LHPP: variants seen among roughly 807,000 people sequenced by gnomAD.
LHPP encodes phospholysine phosphohistidine inorganic pyrophosphate phosphatase.
Under a neutral mutation model 30.3 loss-of-function variants are expected in LHPP, and 24 were observed. The ratio of observed to expected loss-of-function variants is 0.79; its 90% CI spans 0.57 to 1.11. The LOEUF is 1.11. Ranked by LOEUF, LHPP falls within the 50% of genes most tolerant of loss-of-function variation. The probability of loss-of-function intolerance (pLI) is 0.00; values close to 1 mark genes in which losing one functional copy is unlikely to be tolerated. For synonymous variants in LHPP, 150 were observed against 157.1 expected (o/e 0.95, Z 0.34); for missense variants, 356 against 367.2 (o/e 0.97, Z 0.25).
intron 1 of LHPP, among the ~76,000 whole-genome samples, chr10:124,468,795 C>A (rs1041399549): frequency 2.6e-5 from 4 of 152,218 alleles, no homozygotes; most frequent in African/African-American, 9.6e-5. Context: ...CCCAGTGCCT[C>A]TGGGGCCAGA....
chr10:124,510,132 C>T lies in LHPP; in HGVS notation c.625-7048C>T, dbSNP rs941944860. The stretch of plus-strand genomic sequence containing the variant: ...TTCTCCGCCTCACACCCCACCATGT[C>T]GTGTCTGAAAGGAAGCGAAGCCCAG... On this transcript the variant is annotated intron_variant, in intron 5 of 6. Transcript: ENST00000368842. This position sits in a 1 kb window ranked among gnomAD's most constrained non-coding sequence, Gnocchi z 4.0. Among the ~76,000 whole-genome samples the T allele has an allele frequency of 2.0e-5, 3 of 152,116 alleles. No individual in the cohort carries two copies. The highest frequency in any genetic ancestry group is 2.0e-4 in the Admixed American group (3 of 15,280).
intron 1 of LHPP, among the ~76,000 whole-genome samples, chr10:124,468,701 G>A (rs934117314): frequency 3.9e-5 from 6 of 152,192 alleles, no homozygotes; most frequent in African/African-American, 1.2e-4. Flanking sequence ...CCACACCAGC[G>A]TGCCCTTCGG....
intron 3 of LHPP, chr10:124,490,021 C>G (rs1020298966): frequency 5.9e-6 from 1 of 169,416 alleles, no homozygotes; most frequent in African/African-American, 2.4e-5. Flanking sequence ...CTGTGGGTAT[C>G]TCTCTCTGTC....
chr10:124,605,984 G>A (rs1330215795), intron 6 of LHPP, among the ~76,000 whole-genome samples: 1 of 152,090 alleles, frequency 6.6e-6, no homozygotes, highest in Non-Finnish European at 1.5e-5. Context: ...GTGTGCCTCC[G>A]CTTCTACCTC....
chr10:124,573,996 C>A (rs533432905), intron 6 of LHPP, among the ~76,000 whole-genome samples: 1 of 152,168 alleles, frequency 6.6e-6, no homozygotes, highest in Non-Finnish European at 1.5e-5. Flanking sequence ...CCTGGAGCCA[C>A]CGTGCTGCCC....
intron 1 of LHPP, among the ~76,000 whole-genome samples, chr10:124,474,818 T>A (rs1175837607): frequency 6.6e-6 from 1 of 152,136 alleles, no homozygotes. Flanking sequence ...CTGGGCTCCC[T>A]GCTGGTGTAA....
intron 6 of LHPP, among the ~76,000 whole-genome samples, chr10:124,581,980 C>T (rs1948748549): frequency 6.6e-6 from 1 of 152,094 alleles, no homozygotes; most frequent in Admixed American, 6.5e-5. Context: ...GATGGGGTTT[C>T]ACCATGTTAG....
intron 1 of LHPP, among the ~76,000 whole-genome samples, chr10:124,473,001 G>A (rs1952833571): frequency 6.6e-6 from 1 of 152,170 alleles, no homozygotes; most frequent in Non-Finnish European, 1.5e-5. Flanking sequence ...GCTTTCCCGT[G>A]GCTCTGCTGG....
rs570694373 is a variant in LHPP, at chr10:124,590,807, T to C, written c.717-22457T>C. Among the ~76,000 whole-genome samples, 1 of 152,278 alleles carries C rather than the reference T, an allele frequency of 6.6e-6. No individual in the cohort carries two copies. Among genetic ancestry groups the C allele is most frequent in the Admixed American group, 6.5e-5 (1 of 15,302 alleles). Reference sequence around the variant, plus strand: ...CTCTGTCCACAAAACAAAGACTAGATAATTAGAGTGCACACTTGGAGGGAC... The same window carrying C: ...CTCTGTCCACAAAACAAAGACTAGACAATTAGAGTGCACACTTGGAGGGAC... On this transcript the variant is annotated intron_variant, in intron 6 of 6. Transcript: ENST00000368842. The surrounding 1 kb of genome is among the most constrained non-coding windows in gnomAD (Gnocchi z 4.3).
At chr10:124,582,463 G>A (rs1387878633) in intron 6 of LHPP, among the ~76,000 whole-genome samples, 1 of 152,094 alleles carries the variant, frequency 6.6e-6, no homozygotes, top group Non-Finnish European at 1.5e-5. Flanking sequence ...CTGGATATAA[G>A]GCCTTTATCA....
chr10:124,502,763 A>C (rs1311436792), intron 5 of LHPP, among the ~76,000 whole-genome samples: 1 of 109,016 alleles, frequency 9.2e-6, no homozygotes, highest in Non-Finnish European at 1.8e-5. Flanking sequence ...AACCTCCTCC[A>C]CCTCCTGGGT....
At chr10:124,470,387 G>A (rs1343061215) in intron 1 of LHPP, among the ~76,000 whole-genome samples, 2 of 151,838 alleles carry the variant, frequency 1.3e-5, no homozygotes, top group Non-Finnish European at 2.9e-5. Flanking sequence ...GGACCGCCCC[G>A]ATCGATCGGC....
intron 5 of LHPP, among the ~76,000 whole-genome samples, chr10:124,513,408 GT>G (rs1393717547): frequency 1.4e-5 from 2 of 140,920 alleles, no homozygotes; most frequent in African/African-American, 5.2e-5. Flanking sequence ...GTTGGTGGTG[GT>G]TTTTTTTTCT....
At position 124,576,054 on chromosome 10, in the gene LHPP, T is replaced by C. The variant is rs1263942410; in HGVS notation, c.717-37210T>C. On this transcript the variant is annotated intron_variant, in intron 6 of 6. Coordinates refer to ENST00000368842, the MANE Select transcript of LHPP (RefSeq NM_022126.4). This position sits in a 1 kb window ranked among gnomAD's most constrained non-coding sequence, Gnocchi z 4.2. ...AGGTATGAGCCGAAAGAAATGGGGG[T>C]TCCCACTGGATTGGTCGTTTCTGCA... Among the ~76,000 whole-genome samples, 1 of 152,018 alleles carries C rather than the reference T, an allele frequency of 6.6e-6. No individual in the cohort carries two copies. Among genetic ancestry groups the C allele is most frequent in the Non-Finnish European group, 1.5e-5 (1 of 67,986 alleles).
chr10:124,468,874 G>C (rs1302651735), intron 1 of LHPP, among the ~76,000 whole-genome samples: 1 of 151,718 alleles, frequency 6.6e-6, no homozygotes, highest in Non-Finnish European at 1.5e-5. Flanking sequence ...CGTGGCAGAT[G>C]CCCAGAGTGG....
intron 5 of LHPP, among the ~76,000 whole-genome samples, chr10:124,504,392 GACC>G (rs1953999671): frequency 7.0e-6 from 1 of 143,420 alleles, no homozygotes; most frequent in Non-Finnish European, 1.5e-5. Flanking sequence ...AAAAGTTTGA[GACC>G]AGCCTGGGCA....
At chr10:124,554,595 C>G (rs1290375236) in intron 6 of LHPP, among the ~76,000 whole-genome samples, 5 of 152,234 alleles carry the variant, frequency 3.3e-5, no homozygotes, top group Non-Finnish European at 7.3e-5. Context: ...AATGCTGCTG[C>G]TGCTGTCCTT....
At chr10:124,538,828 C>G (rs1466026974) in intron 6 of LHPP, among the ~76,000 whole-genome samples, 1 of 152,200 alleles carries the variant, frequency 6.6e-6, no homozygotes, top group Non-Finnish European at 1.5e-5. Context: ...GTCCTCAGAG[C>G]CCACGTTTGC....
At chr10:124,577,572 G>A (rs552548409) in intron 6 of LHPP, among the ~76,000 whole-genome samples, 1 of 128,206 alleles carries the variant, frequency 7.8e-6, no homozygotes, top group South Asian at 2.8e-4. Flanking sequence ...TTAGAGGCCT[G>A]GCCCTGCCTT....
Sources: gnomAD v4.1 joint callset for allele counts (sites outside exome capture counted in the v4.1 genomes callset) on GRCh38, gnomAD v4.1.1 for gene constraint, Gnocchi (gnomAD v3.1) non-coding constraint, MANE v1.5 for transcripts, NCBI Gene and HGNC (gene_info 2026-07-23, HGNC 2026-07-21) for gene names.